Variants in ARHGAP15 observed in about 807,000 individuals in gnomAD.
ARHGAP15 encodes rho GTPase-activating protein 15.
Under a neutral mutation model 63.7 loss-of-function variants are expected in ARHGAP15, and 51 were observed. The ratio of observed to expected loss-of-function variants is 0.80; its 90% confidence interval spans 0.64 to 1.01. The LOEUF (loss-of-function observed/expected upper bound fraction) is 1.01. Ranked by LOEUF, ARHGAP15 falls within the 50% of genes least tolerant of loss-of-function variation. The probability of loss-of-function intolerance (pLI) is 0.00; values close to 1 mark genes in which losing one functional copy is unlikely to be tolerated. For missense variants in ARHGAP15, 560 were observed against 564.6 expected, an observed-to-expected ratio of 0.99 and a Z score of 0.08; for synonymous variants, 191 against 193.8, an observed-to-expected ratio of 0.99 and a Z score of 0.12.
intron 4 of ARHGAP15, among the ~76,000 whole-genome samples, chr2:143,216,696 C>T (rs1486514918): frequency 6.6e-6 from 1 of 152,102 alleles, no homozygotes; most frequent in African/African-American, 2.4e-5. Flanking sequence ...ACTCATAAAA[C>T]ACTGAAAATA....
intron 9 of ARHGAP15, chr2:143,519,022 C>T (rs1693942863): frequency 3.0e-6 from 1 of 329,538 alleles, no homozygotes; most frequent in South Asian, 3.3e-5. Context: ...CTATAACTTA[C>T]ATAGTCATCC....
chr2:143,619,535 T>C (rs1698577163), intron 11 of ARHGAP15, among the ~76,000 whole-genome samples: 1 of 152,196 alleles, frequency 6.6e-6, no homozygotes, highest in Admixed American at 6.5e-5. Context: ...ATTGAAAGGA[T>C]TGTGAGACAT....
chr2:143,437,156 G>A (rs190614239), intron 8 of ARHGAP15, 114 bp downstream of exon 8: 13 of 1,244,458 alleles, frequency 1.0e-5, no homozygotes, highest in Admixed American at 3.1e-5. Context: ...TGGAAGATTC[G>A]TAGCCATTTC....
At chr2:143,175,173 A>G (rs925948078) in intron 2 of ARHGAP15, among the ~76,000 whole-genome samples, 3 of 152,130 alleles carry the variant, frequency 2.0e-5, no homozygotes, top group Middle Eastern at 3.2e-3. Flanking sequence ...TCTTTAATGC[A>G]CCTCAAGGGC....
intron 6 of ARHGAP15, among the ~76,000 whole-genome samples, chr2:143,330,379 C>G (rs1684493886): frequency 6.6e-6 from 1 of 151,854 alleles, no homozygotes; most frequent in Non-Finnish European, 1.5e-5. Flanking sequence ...ACAAAACAAA[C>G]TTGCATAATA....
intron 13 of ARHGAP15, among the ~76,000 whole-genome samples, chr2:143,717,436 G>A (rs1204150137): frequency 6.6e-6 from 1 of 152,084 alleles, no homozygotes; most frequent in Non-Finnish European, 1.5e-5. Flanking sequence ...GGAATTCCAG[G>A]ACAAACCTAA....
intron 6 of ARHGAP15, among the ~76,000 whole-genome samples, chr2:143,256,798 A>G (rs1680449899): frequency 6.6e-6 from 1 of 151,960 alleles, no homozygotes. Flanking sequence ...TATGAATGTC[A>G]GGGGTATATA....
At chr2:143,417,208 C>A (rs1688729058) in intron 6 of ARHGAP15, among the ~76,000 whole-genome samples, 1 of 151,676 alleles carries the variant, frequency 6.6e-6, no homozygotes, top group East Asian at 1.9e-4. Context: ...ATTGCTGCAG[C>A]CTACAATAAT....
intron 13 of ARHGAP15, among the ~76,000 whole-genome samples, chr2:143,729,912 T>C (rs886710146): frequency 2.6e-5 from 4 of 151,664 alleles, no homozygotes; most frequent in Admixed American, 6.6e-5. Flanking sequence ...GGATTTTTTG[T>C]GAGGTGAGAG....
intron 6 of ARHGAP15, among the ~76,000 whole-genome samples, chr2:143,349,335 C>T (rs1685455066): frequency 6.6e-6 from 1 of 152,160 alleles, no homozygotes; most frequent in Non-Finnish European, 1.5e-5. Flanking sequence ...GGGAGCCTAC[C>T]ACTGTCTCCA....
At chr2:143,237,188 G>C (rs950672445) in intron 5 of ARHGAP15, 14 of 152,060 alleles carry the variant, frequency 9.2e-5, no homozygotes, top group Admixed American at 2.6e-4. Context: ...ATAAAATTAA[G>C]TCTCTCTTAA....
At chr2:143,165,573 C>A (rs1216154041) in intron 2 of ARHGAP15, among the ~76,000 whole-genome samples, 1 of 151,982 alleles carries the variant, frequency 6.6e-6, no homozygotes, top group Non-Finnish European at 1.5e-5. Context: ...CCAGAACACA[C>A]AAATTAAATA....
intron 12 of ARHGAP15, among the ~76,000 whole-genome samples, chr2:143,637,081 C>T (rs1025985198): frequency 6.8e-6 from 1 of 147,526 alleles, no homozygotes; most frequent in Middle Eastern, 3.5e-3. Flanking sequence ...GCCCCACCCT[C>T]ATGACCCTAT....
At chr2:143,687,217 G>GA (rs138415489) in intron 12 of ARHGAP15, among the ~76,000 whole-genome samples, 11,336 of 152,144 alleles carry the variant, frequency 0.075, 578 homozygotes, top group Middle Eastern at 0.12. Context: ...TCAGGTATGA[G>GA]AAAAAATGTG....
At chr2:143,338,657 G>T (rs1684918499) in intron 6 of ARHGAP15, among the ~76,000 whole-genome samples, 1 of 152,100 alleles carries the variant, frequency 6.6e-6, no homozygotes, top group African/African-American at 2.4e-5. Context: ...CATTTAAGTA[G>T]CTTTTTCTTG....
At chr2:143,162,096 G>T (rs1690320294) in intron 2 of ARHGAP15, 1 of 152,076 alleles carries the variant, frequency 6.6e-6, no homozygotes, top group South Asian at 2.1e-4. Flanking sequence ...CTGAAAGTGA[G>T]AATATAGTTT....
chr2:143,546,524 A>G (rs1232189369), intron 10 of ARHGAP15, among the ~76,000 whole-genome samples: 3 of 152,116 alleles, frequency 2.0e-5, no homozygotes, highest in African/African-American at 4.8e-5. Flanking sequence ...TTCCTTAGGA[A>G]TAGCATCTCC....
intron 11 of ARHGAP15, among the ~76,000 whole-genome samples, chr2:143,560,796 C>T (rs1236685634): frequency 6.6e-6 from 1 of 152,226 alleles, no homozygotes; most frequent in East Asian, 1.9e-4. Context: ...CAAGAAACTA[C>T]TTTAACACGC....
At chr2:143,497,861 C>T (rs1692886743) in intron 9 of ARHGAP15, among the ~76,000 whole-genome samples, 2 of 152,130 alleles carry the variant, frequency 1.3e-5, no homozygotes, top group Non-Finnish European at 1.5e-5. Flanking sequence ...TCCTTCCTCA[C>T]TTATGATATG....
Sources: gnomAD v4.1 joint callset for allele counts (sites outside exome capture counted in the v4.1 genomes callset) on GRCh38, gnomAD v4.1.1 for gene constraint, MANE v1.5 for transcripts, NCBI Gene and HGNC (gene_info 2026-07-23, HGNC 2026-07-21) for gene names.